The following ABCB10 variants were observed in gnomAD, a reference collection of about 807,000 sequenced individuals.
ABCB10 encodes the protein ATP binding cassette subfamily B member 10.
ABCB10 carries 54 observed loss-of-function variants against 65.4 expected under a neutral mutation model. The observed-to-expected ratio is 0.83, with a 90% CI of 0.66 to 1.04. The LOEUF (loss-of-function observed/expected upper bound fraction) is 1.04, where lower values mean the gene tolerates loss of function less well. Ranked by LOEUF, ABCB10 falls within the 50% of genes least tolerant of loss-of-function variation. ABCB10 has a pLI of 0.00. For missense variants in ABCB10, 846 were observed against 976.6 expected (o/e 0.87, Z 1.78); for synonymous variants, 418 against 406.5 (o/e 1.03, Z -0.34).
chr1:229,534,316 G>C (rs1023387111), intron 6 of ABCB10, among the ~76,000 whole-genome samples: 1 of 152,198 alleles, frequency 6.6e-6, no homozygotes, highest in African/African-American at 2.4e-5. Flanking sequence ...CTCATTCCTT[G>C]CTAGTGGGGA....
intron 6 of ABCB10, among the ~76,000 whole-genome samples, chr1:229,537,771 C>A (rs1662754926): frequency 6.6e-6 from 1 of 152,198 alleles, no homozygotes; most frequent in Non-Finnish European, 1.5e-5. Flanking sequence ...GCTTGGGCGA[C>A]AGAGCAAGAC....
intron 8 of ABCB10, among the ~76,000 whole-genome samples, chr1:229,528,392 C>G (rs1662493152): frequency 6.6e-6 from 1 of 152,070 alleles, no homozygotes; most frequent in African/African-American, 2.4e-5. Context: ...CTCAAACTCC[C>G]GGGCTCAAGC....
At chr1:229,549,758 T>G in intron 1 of ABCB10, 1 of 259,816 alleles carries the variant, frequency 3.8e-6, no homozygotes, top group Non-Finnish European at 7.5e-6. Context: ...TTCCTCCCCA[T>G]CTCTTGATTT....
intron 3 of ABCB10, among the ~76,000 whole-genome samples, chr1:229,546,712 A>AAT (rs995876338): frequency 1.3e-4 from 19 of 151,140 alleles, no homozygotes; most frequent in East Asian, 7.7e-4. Flanking sequence ...CTCTACAAAA[A>AAT]ATATATATAT....
At chr1:229,529,526 T>A (rs1477363436) in intron 8 of ABCB10, among the ~76,000 whole-genome samples, 1 of 144,184 alleles carries the variant, frequency 6.9e-6, no homozygotes, top group Non-Finnish European at 1.5e-5. Context: ...AAAAATTAGC[T>A]GGGCGTGGTG....
At chr1:229,548,819 C>T (rs1024557931) in intron 2 of ABCB10, among the ~76,000 whole-genome samples, 1 of 151,994 alleles carries the variant, frequency 6.6e-6, no homozygotes, top group African/African-American at 2.4e-5. Flanking sequence ...CACACCACCA[C>T]GCCCGGGTAA....
At chr1:229,555,979 C>CAAAA (rs34673510) in intron 1 of ABCB10, among the ~76,000 whole-genome samples, 2 of 124,244 alleles carry the variant, frequency 1.6e-5, no homozygotes, top group Admixed American at 8.5e-5. Flanking sequence ...GTTTGAAAAG[C>CAAAA]AAAAAAAAAA....
intron 8 of ABCB10, among the ~76,000 whole-genome samples, chr1:229,528,569 G>T (rs896164790): frequency 6.6e-6 from 1 of 152,152 alleles, no homozygotes; most frequent in African/African-American, 2.4e-5. Flanking sequence ...AACACAGGTG[G>T]TGATTCCATG....
chr1:229,542,260 C>A lies in ABCB10; in HGVS notation c.1033G>T (p.Asp345Tyr). ...ACCTGAGTGGCTTGTGCCAGGGAATCCTGAGTGACTTTGGTCAGTTTCCGT... is the reference window on the plus strand; with the variant it reads ...ACCTGAGTGGCTTGTGCCAGGGAATACTGAGTGACTTTGGTCAGTTTCCGT... ...YLRKLTKVTQ[D>Y]SLAQATQLAE... The change falls in exon 4 of 13, where the codon GAT becomes TAT. Residue 345 changes from aspartate to tyrosine, a missense_variant. Coordinates refer to ENST00000344517, the MANE Select transcript of ABCB10 (RefSeq NM_012089.3). 4 of 1,614,002 alleles carry A rather than the reference C, an allele frequency of 2.5e-6. No homozygotes were observed. Among genetic ancestry groups the A allele is most frequent in the Non-Finnish European group, 2.5e-6 (3 of 1,180,006 alleles).
At chr1:229,542,699 G>T (rs1266920594) in intron 3 of ABCB10, among the ~76,000 whole-genome samples, 13 of 151,288 alleles carry the variant, frequency 8.6e-5, no homozygotes, top group Middle Eastern at 6.8e-3. Context: ...CAGGATGGGG[G>T]TTTGGCAGAG....
chr1:229,547,642 C>T lies in ABCB10; in HGVS notation c.778G>A (p.Val260Ile), dbSNP rs779561278. 1 of 1,614,214 alleles carries T rather than the reference C, an allele frequency of 6.2e-7. No homozygotes were observed. Among genetic ancestry groups the T allele is most frequent in the South Asian group, 1.1e-5 (1 of 91,092 alleles). ...SLFSSILRQE[V>I]AFFDKTRTGE... The stretch of plus-strand genomic sequence containing the variant: ...GTGCGAGTCTTGTCAAAGAAAGCAA[C>T]CTCCTGCCTCAGAATGGAGGAGAAT... The change falls in exon 3 of 13, where the codon GTT (valine) becomes ATT (isoleucine). Residue 260 changes from valine (V) to isoleucine (I), a missense_variant. Physicochemically the swap from Val to Ile is conservative, Grantham distance 29 (BLOSUM62 3). Around this residue, in one of 2 missense-constraint regions of ABCB10, gnomAD observed 632 missense variants for 803.2 expected, o/e 0.79. Coordinates refer to ENST00000344517, the MANE Select transcript of ABCB10 (RefSeq NM_012089.3).
chr1:229,525,745 TG>T (rs1662425132), intron 10 of ABCB10, among the ~76,000 whole-genome samples, 190 bp downstream of exon 10: 1 of 151,996 alleles, frequency 6.6e-6, no homozygotes, highest in Admixed American at 6.6e-5. Context: ...GGCAGGAGAA[TG>T]GCATGAACCC....
Position 229,540,622 on chromosome 1 carries a change from G to C in ABCB10, c.1187C>G (p.Ala396Gly). The C allele has an allele frequency of 1.2e-6, 2 of 1,611,432 alleles. No individual in the cohort carries two copies. Among genetic ancestry groups the C allele is most frequent in the Non-Finnish European group, 8.5e-7 (1 of 1,179,826 alleles). The change falls in exon 5 of 13, where the codon GCT (alanine) becomes GGT (glycine). Residue 396 changes from alanine (A) to glycine (G), a missense_variant. By Grantham distance (60) the Ala-to-Gly change is moderately conservative. Coordinates refer to ENST00000344517, the MANE Select transcript of ABCB10 (RefSeq NM_012089.3). ...TCTACTTACTGCTCCAAAGAAACCAGCCCGGGCGAATGCCTCTTTCCTTGC... is the reference window on the plus strand; with the variant it reads ...TCTACTTACTGCTCCAAAGAAACCACCCCGGGCGAATGCCTCTTTCCTTGC... ...QLARKEAFAR[A>G]GFFGATGLSG...
intron 1 of ABCB10, among the ~76,000 whole-genome samples, chr1:229,553,390 G>A (rs774823069): frequency 1.8e-4 from 28 of 152,168 alleles, no homozygotes; most frequent in Middle Eastern, 3.4e-3. Context: ...GATTACAGGC[G>A]TGAGCCACCG....
intron 6 of ABCB10, chr1:229,531,947 GT>G (rs34289048): frequency 0.027 from 3,539 of 132,576 alleles, no homozygotes; most frequent in South Asian, 0.072. Flanking sequence ...CAGTTTCATA[GT>G]TTTTTTTTTT....
rs1477049607 is a variant in ABCB10 at position 229,558,643 on chromosome 1, G to A, written c.10C>T (p.Pro4Ser). The change falls in exon 1 of 13, where the codon CCC (proline) becomes TCC (serine). Residue 4 changes from proline to serine, a missense_variant. Pro to Ser is a moderately conservative substitution (Grantham distance 74). Transcript: ENST00000344517. MRG[P>S]PAWPLRLLEP... is the part of the protein sequence containing the mutation. ...AGCAGCCGCAGCGGCCAGGCAGGGG[G>A]GCCTCGCATGGCGCTGCGTGCGACC... 5.1e-6 allele frequency: 7 copies of A among 1,361,130 alleles called. No individual in the cohort carries two copies. The highest frequency in any genetic ancestry group is 4.8e-5 in the South Asian group (3 of 62,108). 84.3% of individuals were successfully genotyped at this position (1,361,130 alleles called of 1,614,324 possible).
chr1:229,526,411 C>T (rs898645634), intron 9 of ABCB10, among the ~76,000 whole-genome samples: 9 of 152,208 alleles, frequency 5.9e-5, no homozygotes, highest in South Asian at 2.1e-4. Flanking sequence ...CAGGACAAAG[C>T]GGGGAATCCA....
chr1:229,522,531 T>C (rs1034122744), intron 10 of ABCB10, among the ~76,000 whole-genome samples: 1 of 152,230 alleles, frequency 6.6e-6, no homozygotes, highest in Non-Finnish European at 1.5e-5. Flanking sequence ...AAAAATCCTA[T>C]GAGACAGACC....
At chr1:229,518,790 A>G (rs775943017) in intron 12 of ABCB10, 51 bp downstream of exon 12, 1 of 1,435,090 alleles carries the variant, frequency 7.0e-7, no homozygotes, top group Admixed American at 2.2e-5. Flanking sequence ...TTGGTGAAGG[A>G]AGAATTTGGT....
Sources: allele counts gnomAD v4.1 joint callset (sites outside exome capture counted in the v4.1 genomes callset), GRCh38; gene constraint gnomAD v4.1.1; regional missense constraint gnomAD v4.1.1; transcripts MANE v1.5; gene names NCBI Gene and HGNC (gene_info 2026-07-23, HGNC 2026-07-21).